Variants in RFC3 observed in about 807,000 individuals in gnomAD.
RFC3 encodes A1 38 kDa subunit.
In RFC3, 41 loss-of-function variants were observed where a neutral mutation model predicts 45.1. The observed-to-expected ratio is 0.91, with a 90% confidence interval of 0.71 to 1.18. The LOEUF (loss-of-function observed/expected upper bound fraction) is 1.18. Ranked by LOEUF, RFC3 falls within the 50% of genes most tolerant of loss-of-function variation. The pLI is 0.00. For synonymous variants in RFC3, 149 were observed against 144.0 expected (o/e 1.03, Z -0.25); for missense variants, 423 against 428.1 (o/e 0.99, Z 0.10).
intron 8 of RFC3, among the ~76,000 whole-genome samples, chr13:33,959,593 A>C (rs1225225998): frequency 6.6e-6 from 1 of 152,038 alleles, no homozygotes; most frequent in Non-Finnish European, 1.5e-5. Flanking sequence ...TTACATCCAG[A>C]ACATTTATCT....
chr13:33,828,249 G>T (rs987184736), intron 4 of RFC3, among the ~76,000 whole-genome samples: 13 of 152,054 alleles, frequency 8.5e-5, no homozygotes, highest in African/African-American at 3.1e-4. Flanking sequence ...TCTTTCCTTT[G>T]TCTCTCTTTT....
chr13:33,933,196 G>T (rs544872252), intron 8 of RFC3, among the ~76,000 whole-genome samples: 95 of 152,004 alleles, frequency 6.2e-4, no homozygotes, highest in Non-Finnish European at 1.2e-3. Flanking sequence ...TTTCCTGCTT[G>T]CTAATGCCGA....
chr13:33,913,860 G>T (rs537136748), intron 8 of RFC3, among the ~76,000 whole-genome samples: 1 of 152,070 alleles, frequency 6.6e-6, no homozygotes, highest in Non-Finnish European at 1.5e-5. Flanking sequence ...ACATATATGT[G>T]TATAGAACAT....
intron 8 of RFC3, among the ~76,000 whole-genome samples, chr13:33,941,565 A>G (rs1316857278): frequency 6.6e-6 from 1 of 152,158 alleles, no homozygotes; most frequent in Non-Finnish European, 1.5e-5. Context: ...GGCACCATAA[A>G]TATATACTTT....
chr13:33,879,333 G>A (rs113597485), intron 8 of RFC3, among the ~76,000 whole-genome samples: 4,510 of 151,976 alleles, frequency 0.03, 132 homozygotes, highest in African/African-American at 0.069. Context: ...TTCCTTGCCC[G>A]TTTCCTGAAG....
At chr13:33,872,567 C>G (rs891908444) in intron 8 of RFC3, among the ~76,000 whole-genome samples, 3 of 152,084 alleles carry the variant, frequency 2.0e-5, no homozygotes, top group African/African-American at 7.2e-5. Context: ...AACCCCGTCT[C>G]TACTAAAAAT....
intron 8 of RFC3, among the ~76,000 whole-genome samples, chr13:33,965,189 G>A (rs772310388): frequency 2.6e-5 from 4 of 152,102 alleles, no homozygotes; most frequent in Admixed American, 6.6e-5. Context: ...TAGCAAATGA[G>A]GACTATAGTC....
chr13:33,930,387 G>T (rs1353684932), intron 8 of RFC3, among the ~76,000 whole-genome samples: 1 of 152,100 alleles, frequency 6.6e-6, no homozygotes, highest in East Asian at 1.9e-4. Context: ...AAATGCTGAA[G>T]AACCTAAAGT....
intron 3 of RFC3, 41 bp downstream of exon 3, chr13:33,824,025 A>T: frequency 5.7e-6 from 6 of 1,061,860 alleles, no homozygotes; most frequent in Non-Finnish European, 5.5e-6. Context: ...TTTTAAAGAA[A>T]TTGGTTTTGG....
At chr13:33,930,823 A>T (rs2082847367) in intron 8 of RFC3, among the ~76,000 whole-genome samples, 1 of 152,118 alleles carries the variant, frequency 6.6e-6, no homozygotes, top group African/African-American at 2.4e-5. Flanking sequence ...AAATTTAGGG[A>T]TAGATAAACC....
At chr13:33,870,390 C>G (rs1350091232) in intron 8 of RFC3, among the ~76,000 whole-genome samples, 1 of 152,218 alleles carries the variant, frequency 6.6e-6, no homozygotes, top group Admixed American at 6.5e-5. Context: ...ATTCAAGGCA[C>G]ATGACATCTC....
intron 8 of RFC3, chr13:33,966,076 A>C: frequency 6.3e-7 from 1 of 1,596,860 alleles, no homozygotes. Flanking sequence ...GATAGTGAAT[A>C]TCTCTTACAG....
At chr13:33,869,425 GTTGTT>G (rs1447526678) in intron 8 of RFC3, among the ~76,000 whole-genome samples, 1 of 150,718 alleles carries the variant, frequency 6.6e-6, no homozygotes, top group Admixed American at 6.6e-5. Context: ...GGGCATGATT[GTTGTT>G]TTGTTTACTC....
intron 8 of RFC3, chr13:33,848,395 G>T (rs1050268493): frequency 6.6e-6 from 1 of 152,082 alleles, no homozygotes; most frequent in African/African-American, 2.4e-5. Context: ...AGTTCAAAAA[G>T]AGTACATGTG....
At chr13:33,877,373 C>G (rs552811389) in intron 8 of RFC3, among the ~76,000 whole-genome samples, 2 of 152,284 alleles carry the variant, frequency 1.3e-5, no homozygotes, top group Admixed American at 1.3e-4. Context: ...TGGAGAGAAT[C>G]TCATTAACTG....
intron 3 of RFC3, among the ~76,000 whole-genome samples, chr13:33,824,405 GTAT>G (rs1215467634): frequency 6.6e-6 from 1 of 152,050 alleles, no homozygotes; most frequent in Non-Finnish European, 1.5e-5. Context: ...TTGATTAGAG[GTAT>G]TATAATAGTT....
intron 8 of RFC3, among the ~76,000 whole-genome samples, chr13:33,880,220 T>C (rs926324684): frequency 3.3e-5 from 5 of 152,228 alleles, no homozygotes; most frequent in African/African-American, 1.2e-4. Flanking sequence ...AAACACATAT[T>C]ATGACATATT....
At chr13:33,851,275 A>G (rs1027353634) in intron 8 of RFC3, among the ~76,000 whole-genome samples, 8 of 152,220 alleles carry the variant, frequency 5.3e-5, no homozygotes, top group Admixed American at 1.3e-4. Flanking sequence ...AGTTTATAAT[A>G]TAGTTGACCC....
chr13:33,958,430 CAAGTG>C (rs1282398759), intron 8 of RFC3, among the ~76,000 whole-genome samples: 2 of 152,278 alleles, frequency 1.3e-5, no homozygotes, highest in East Asian at 3.9e-4. Flanking sequence ...TTCTTATAAT[CAAGTG>C]AAGCTTTTCA....
Sources: gnomAD v4.1 joint callset for allele counts (sites outside exome capture counted in the v4.1 genomes callset) on GRCh38, gnomAD v4.1.1 for gene constraint, MANE v1.5 for transcripts, NCBI Gene and HGNC (gene_info 2026-07-23, HGNC 2026-07-21) for gene names.